Variants in DPP6 observed in about 807,000 individuals in gnomAD.
DPP6 encodes the protein A-type potassium channel modulatory protein DPP6.
Under a neutral mutation model 122.6 loss-of-function variants are expected in DPP6, and 69 were observed. The observed-to-expected ratio is 0.56, with a 90% confidence interval of 0.46 to 0.69. DPP6 has a LOEUF of 0.69. Among genes scored for constraint, DPP6 ranks in the 30% least tolerant of loss-of-function variants. DPP6 has a pLI of 0.00. For missense variants in DPP6, 928 were observed against 1,116.9 expected, an observed-to-expected ratio of 0.83 and a Z score of 2.41; for synonymous variants, 418 against 433.1, an observed-to-expected ratio of 0.97 and a Z score of 0.43.
chr7:154,629,860 T>C (rs931104888), intron 5 of DPP6, among the ~76,000 whole-genome samples: 1 of 152,112 alleles, frequency 6.6e-6, no homozygotes, highest in Non-Finnish European at 1.5e-5. Flanking sequence ...GGTAACAATC[T>C]CAGTCATTGA....
At chr7:154,576,547 C>T (rs1831685835) in intron 5 of DPP6, among the ~76,000 whole-genome samples, 1 of 152,114 alleles carries the variant, frequency 6.6e-6, no homozygotes, top group Non-Finnish European at 1.5e-5. Flanking sequence ...CACTGAGTTC[C>T]TTTCAATGCA....
intron 1 of DPP6, among the ~76,000 whole-genome samples, chr7:154,311,446 G>T (rs1301696290): frequency 6.6e-6 from 1 of 151,722 alleles, no homozygotes; most frequent in Non-Finnish European, 1.5e-5. Context: ...GCAGTGAGCC[G>T]TGATCACACC....
intron 1 of DPP6, among the ~76,000 whole-genome samples, chr7:154,078,546 G>T (rs1394863802): frequency 1.3e-5 from 2 of 152,126 alleles, no homozygotes; most frequent in African/African-American, 4.8e-5. Flanking sequence ...TGACAAAGTT[G>T]TGGGTTGGTT....
intron 16 of DPP6, among the ~76,000 whole-genome samples, chr7:154,816,233 G>GAGCAT (rs1422187653): frequency 6.6e-6 from 1 of 152,150 alleles, no homozygotes; most frequent in Non-Finnish European, 1.5e-5. Context: ...CAGTTACCTA[G>GAGCAT]AGTCAACTAT....
intron 1 of DPP6, among the ~76,000 whole-genome samples, chr7:153,908,856 C>T (rs1585015643): frequency 1.3e-5 from 2 of 152,104 alleles, no homozygotes; most frequent in African/African-American, 2.4e-5. Flanking sequence ...CAGATTCAAG[C>T]GATTCTCCTG....
intron 1 of DPP6, among the ~76,000 whole-genome samples, chr7:153,944,929 T>C (rs2129018239): frequency 6.6e-6 from 1 of 152,250 alleles, no homozygotes; most frequent in South Asian, 2.1e-4. Context: ...TTTCTCTTCT[T>C]TGAACAAACC....
the DPP6 span, among the ~76,000 whole-genome samples, chr7:153,772,985 T>C: frequency 3.0e-5 from 4 of 132,556 alleles, no homozygotes; most frequent in Middle Eastern, 4.3e-3. Context: ...TTATATATTA[T>C]ATAATAATAT....
chr7:154,686,182 C>T (rs1328375444), intron 7 of DPP6, among the ~76,000 whole-genome samples: 2 of 152,110 alleles, frequency 1.3e-5, no homozygotes, highest in African/African-American at 4.8e-5. Flanking sequence ...AAGTAATTTT[C>T]CCCGGGTCAC....
chr7:154,507,444 C>T (rs12216700), intron 3 of DPP6, among the ~76,000 whole-genome samples: 34,739 of 152,010 alleles, frequency 0.23, 4,073 homozygotes, highest in Middle Eastern at 0.32. Flanking sequence ...CCTTGCTCCC[C>T]GCCCTGATAT....
At chr7:154,062,337 C>T in intron 1 of DPP6, among the ~76,000 whole-genome samples, 1 of 55,580 alleles carries the variant, frequency 1.8e-5, no homozygotes, top group Non-Finnish European at 3.5e-5. Context: ...GGGAGGCACC[C>T]CCCGCGAGGG....
chr7:154,147,479 TTC>T (rs1796158682), intron 1 of DPP6, among the ~76,000 whole-genome samples: 2 of 135,544 alleles, frequency 1.5e-5, no homozygotes, highest in African/African-American at 7.2e-5. Flanking sequence ...CCTTCCTTCC[TTC>T]CTTCCTTCCT....
chr7:153,826,206 A>G, the DPP6 span, among the ~76,000 whole-genome samples: 1 of 152,160 alleles, frequency 6.6e-6, no homozygotes, highest in Non-Finnish European at 1.5e-5. Context: ...ATTGGAGTAG[A>G]TGGGGAAATG....
intron 2 of DPP6, among the ~76,000 whole-genome samples, chr7:154,472,165 A>G (rs1300555444): frequency 6.6e-6 from 1 of 152,234 alleles, no homozygotes; most frequent in African/African-American, 2.4e-5. Flanking sequence ...GAAGAAAAAT[A>G]GTCTTTAAGC....
chr7:154,667,043 A>G (rs1838212105), intron 6 of DPP6, among the ~76,000 whole-genome samples: 1 of 152,284 alleles, frequency 6.6e-6, no homozygotes, highest in Non-Finnish European at 1.5e-5. Flanking sequence ...GAGAAATGAT[A>G]TCTCAATTAA....
At chr7:154,501,065 T>C (rs771528893) in intron 3 of DPP6, among the ~76,000 whole-genome samples, 1 of 152,182 alleles carries the variant, frequency 6.6e-6, no homozygotes, top group Non-Finnish European at 1.5e-5. Context: ...ACTGGTGGCA[T>C]TTTGCCCCTG....
chr7:153,907,178 C>G (rs1257288231), intron 1 of DPP6, among the ~76,000 whole-genome samples: 1 of 152,072 alleles, frequency 6.6e-6, no homozygotes, highest in East Asian at 1.9e-4. Context: ...GTTTTTTTGA[C>G]TTTCAAATAA....
chr7:154,867,889 T>G, intron 17 of DPP6, 106 bp from the exon 18 acceptor site: 1 of 1,392,230 alleles, frequency 7.2e-7, no homozygotes, highest in Non-Finnish European at 9.5e-7. Context: ...TAATCACCTC[T>G]GAGGCTGATG....
chr7:154,220,584 A>G (rs563441668), intron 1 of DPP6, among the ~76,000 whole-genome samples: 2 of 152,290 alleles, frequency 1.3e-5, no homozygotes, highest in East Asian at 1.9e-4. Context: ...AGTTAAATAA[A>G]TAAAATAAAA....
intron 1 of DPP6, among the ~76,000 whole-genome samples, chr7:154,345,428 G>T (rs543537868): frequency 6.6e-6 from 1 of 152,298 alleles, no homozygotes; most frequent in East Asian, 1.9e-4. Flanking sequence ...ATTCTGAGGG[G>T]CTGGTCAATA....
Sources: gnomAD v4.1 joint callset for allele counts (sites outside exome capture counted in the v4.1 genomes callset) on GRCh38, gnomAD v4.1.1 for gene constraint, MANE v1.5 for transcripts, NCBI Gene and HGNC (gene_info 2026-07-23, HGNC 2026-07-21) for gene names.